Variants in DNAH14 observed in about 807,000 individuals in gnomAD.
DNAH14 encodes the protein dynein axonemal heavy chain 14.
DNAH14 carries 478 observed loss-of-function variants against 520.9 expected under a neutral mutation model. The observed-to-expected ratio is 0.92, with a 90% CI of 0.85 to 0.99. DNAH14 has a LOEUF of 0.99. Ranked by LOEUF, DNAH14 falls within the 50% of genes least tolerant of loss-of-function variation. The probability of loss-of-function intolerance (pLI) is 0.00; values close to 1 mark genes in which losing one functional copy is unlikely to be tolerated. For synonymous variants in DNAH14, 1,581 were observed against 1,757.2 expected (o/e 0.90, Z 2.51); for missense variants, 4,831 against 5,234.5 (o/e 0.92, Z 2.38).
intron 69 of DNAH14, among the ~76,000 whole-genome samples, chr1:225,342,021 C>A (rs562987176): frequency 2.3e-4 from 35 of 152,236 alleles, no homozygotes; most frequent in African/African-American, 7.0e-4. Flanking sequence ...TCTGAACTTC[C>A]GCACATCGGG....
At chr1:225,377,711 T>A (rs2095719537) in intron 79 of DNAH14, among the ~76,000 whole-genome samples, 1 of 152,140 alleles carries the variant, frequency 6.6e-6, no homozygotes, top group Non-Finnish European at 1.5e-5. Flanking sequence ...TAGAAAAGTA[T>A]AGTCTACATG....
Position 225,307,490 on chromosome 1 carries a change from T to TC in DNAH14, c.9037dup (p.Leu3013ProfsTer43), listed in dbSNP as rs1420166169. On this transcript the variant is annotated frameshift_variant, in exon 59 of 86. Coordinates refer to ENST00000682510, the MANE Select transcript of DNAH14 (RefSeq NM_001367479.1). LOFTEE classifies it high-confidence loss of function. ...CGCTTCCATATGGGTCTATCCACAA[T>TC]CCTGGAAGCAACCACTCTAGTTACA... 1 of 1,548,610 alleles carries TC rather than the reference T, an allele frequency of 6.5e-7. No individual in the cohort carries two copies. Among genetic ancestry groups the TC allele is most frequent in the Non-Finnish European group, 8.7e-7 (1 of 1,146,030 alleles).
intron 44 of DNAH14, 115 bp from the exon 45 acceptor site, chr1:225,257,845 T>A (rs1457679157): frequency 1.1e-6 from 1 of 925,300 alleles, no homozygotes; most frequent in African/African-American, 1.8e-5. Context: ...AGCCATGTAC[T>A]TTTCATATAT....
intron 41 of DNAH14, among the ~76,000 whole-genome samples, chr1:225,218,162 A>G (rs1449000993): frequency 6.6e-6 from 1 of 152,234 alleles, no homozygotes; most frequent in African/African-American, 2.4e-5. Context: ...AGGAAGCACT[A>G]AATATGGAAA....
intron 51 of DNAH14, 58 bp from the exon 52 acceptor site, chr1:225,272,897 T>C: frequency 7.0e-7 from 1 of 1,438,534 alleles, no homozygotes; most frequent in Non-Finnish European, 9.1e-7. Flanking sequence ...GAGCCTTCGC[T>C]TCACATACTA....
chr1:225,231,761 G>A (rs2091138563), intron 42 of DNAH14, among the ~76,000 whole-genome samples: 1 of 152,146 alleles, frequency 6.6e-6, no homozygotes, highest in Non-Finnish European at 1.5e-5. Flanking sequence ...TCTTGATTAT[G>A]GCATTCTAAC....
chr1:225,345,728 G>C (rs1487910136), intron 69 of DNAH14, among the ~76,000 whole-genome samples: 1 of 152,134 alleles, frequency 6.6e-6, no homozygotes, highest in Non-Finnish European at 1.5e-5. Context: ...CAATACTAAA[G>C]TAATATAAAG....
At chr1:225,078,789 T>C (rs2072621776) in intron 17 of DNAH14, among the ~76,000 whole-genome samples, 3 of 51,132 alleles carry the variant, frequency 5.9e-5, no homozygotes, top group Admixed American at 1.9e-4. Context: ...TCTCTCTCTC[T>C]CTCTCTCTCT....
chr1:225,169,276 A>G (rs1448906475), intron 36 of DNAH14, among the ~76,000 whole-genome samples: 2 of 152,250 alleles, frequency 1.3e-5, no homozygotes, highest in Non-Finnish European at 2.9e-5. Flanking sequence ...CTCACCAGCA[A>G]CGGAACAAAG....
chr1:224,999,196 G>A (rs1450384322), intron 8 of DNAH14, among the ~76,000 whole-genome samples: 1 of 151,682 alleles, frequency 6.6e-6, no homozygotes, highest in Admixed American at 6.6e-5. Context: ...GGATTTTTTT[G>A]TTTGTTTTTT....
chr1:224,964,394 T>A, intron 4 of DNAH14, 85 bp from the exon 5 acceptor site: 1 of 1,343,810 alleles, frequency 7.4e-7, no homozygotes, highest in Non-Finnish European at 9.7e-7. Context: ...TTTCTCTATA[T>A]AGAAATATTT....
At chr1:225,346,676 G>A (rs966640415) in intron 71 of DNAH14, 22 bp downstream of exon 71, 35 of 1,506,726 alleles carry the variant, frequency 2.3e-5, no homozygotes, top group Admixed American at 1.3e-4. Flanking sequence ...TTACTATTCC[G>A]GATTCAGTAA....
chr1:225,240,866 A>G, intron 43 of DNAH14, 44 bp downstream of exon 43: 1 of 1,330,906 alleles, frequency 7.5e-7, no homozygotes, highest in Non-Finnish European at 1.0e-6. Flanking sequence ...ATTTTAAAAT[A>G]TTAATTTAAA....
intron 1 of DNAH14, among the ~76,000 whole-genome samples, chr1:224,950,086 G>T (rs1200664941): frequency 2.0e-5 from 3 of 150,252 alleles, no homozygotes; most frequent in Non-Finnish European, 4.4e-5. Context: ...CTCCCATCTT[G>T]ATTTTTTTTT....
At position 225,148,548 on chromosome 1, in the gene DNAH14, T is replaced by A. The variant is rs149377087; in HGVS notation, c.4940+1299T>A. ...TCCTGAGTAGCTGGGATTACAGGCA[T>A]GTGCCAGCATGCCCGGCTAATTTTT... On this transcript the variant is annotated intron_variant, in intron 31 of 85. Coordinates refer to ENST00000682510, the MANE Select transcript of DNAH14 (RefSeq NM_001367479.1). Among the ~76,000 whole-genome samples the A allele has an allele frequency of 2.4e-4, 37 of 152,026 alleles. No homozygotes were observed. In the East Asian group the frequency reaches 5.4e-3, roughly 22 times the overall value.
At chr1:225,231,012 G>C in intron 41 of DNAH14, 61 bp from the exon 42 acceptor site, 1 of 1,210,070 alleles carries the variant, frequency 8.3e-7, no homozygotes, top group Non-Finnish European at 1.2e-6. Flanking sequence ...AACCTCATTA[G>C]TTTACCAGAT....
intron 53 of DNAH14, among the ~76,000 whole-genome samples, chr1:225,276,437 G>T (rs2149876373): frequency 6.6e-6 from 1 of 152,310 alleles, no homozygotes; most frequent in Middle Eastern, 3.4e-3. Flanking sequence ...AGGGTCCAAA[G>T]TAGCAACAAA....
intron 38 of DNAH14, among the ~76,000 whole-genome samples, chr1:225,194,321 A>G (rs2085835536): frequency 1.3e-5 from 2 of 152,202 alleles, no homozygotes; most frequent in African/African-American, 4.8e-5. Flanking sequence ...ATGCAGACAC[A>G]TAGACAAGTA....
At chr1:225,334,884 A>G (rs11584910) in intron 66 of DNAH14, among the ~76,000 whole-genome samples, 35,665 of 143,024 alleles carry the variant, frequency 0.25, 4,589 homozygotes, top group East Asian at 0.35. Context: ...CTACATATAT[A>G]TGTGTGTGTG....
Sources: gnomAD v4.1 joint callset for allele counts (sites outside exome capture counted in the v4.1 genomes callset) on GRCh38, gnomAD v4.1.1 for gene constraint, MANE v1.5 for transcripts, NCBI Gene and HGNC (gene_info 2026-07-23, HGNC 2026-07-21) for gene names.